Variants in ITFG1 observed in about 807,000 individuals in gnomAD.
ITFG1 encodes integrin alpha FG-GAP repeat containing 1.
A neutral mutation model predicts 81.8 loss-of-function variants in ITFG1; 34 were observed. The observed-to-expected ratio is 0.42, with a 90% CI of 0.32 to 0.55. The LOEUF (loss-of-function observed/expected upper bound fraction) is 0.55, where lower values mean the gene tolerates loss of function less well. Among genes scored for constraint, ITFG1 ranks in the 20% least tolerant of loss-of-function variants. The pLI is 0.17. For missense variants in ITFG1, 672 were observed against 755.4 expected (o/e 0.89, Z 1.29); for synonymous variants, 285 against 270.6 (o/e 1.05, Z -0.52).
At chr16:47,360,231 C>T (rs1968092165) in intron 8 of ITFG1, among the ~76,000 whole-genome samples, 1 of 152,158 alleles carries the variant, frequency 6.6e-6, no homozygotes, top group South Asian at 2.1e-4. Flanking sequence ...TAATGCAGCA[C>T]TTACATCTAA....
rs188771993 is a variant in ITFG1 at position 47,260,635 on chromosome 16, C to A, written c.1131G>T (p.Ala377=). The part of the protein sequence containing the change: ...VPCNNASCEE[A]RRMFKVYWEL... The stretch of plus-strand genomic sequence containing the variant: ...CCCAGTAGACTTTAAACATTCGACG[C>A]GCCTCTTCACAGCTTGCATTATTAC... Residue 377 remains alanine (A), a synonymous_variant, in exon 11 of 18, where the codon GCG becomes GCT. Coordinates refer to ENST00000320640, the MANE Select transcript of ITFG1 (RefSeq NM_030790.5). 6.2e-7 allele frequency: 1 copy of A among 1,614,108 alleles called. No homozygotes were observed.
chr16:47,333,325 C>A (rs1967660344), intron 8 of ITFG1, among the ~76,000 whole-genome samples: 1 of 152,164 alleles, frequency 6.6e-6, no homozygotes, highest in Admixed American at 6.6e-5. Context: ...GGAATTTTAA[C>A]TCAAGTCTGC....
At chr16:47,454,248 AAAAACTT>A (rs1216738932) in intron 2 of ITFG1, 90 bp from the exon 3 acceptor site, 1 of 1,105,290 alleles carries the variant, frequency 9.0e-7, no homozygotes, top group African/African-American at 1.6e-5. Context: ...ATTTTCAATG[AAAAACTT>A]AAAACTTAAC....
chr16:47,236,474 C>CA (rs68028486), intron 13 of ITFG1, among the ~76,000 whole-genome samples: 722 of 51,030 alleles, frequency 0.014, 5 homozygotes, highest in Middle Eastern at 0.031. Context: ...GACTCCATCT[C>CA]AAAAAAAAAA....
intron 10 of ITFG1, among the ~76,000 whole-genome samples, chr16:47,306,129 A>C (rs563258478): frequency 1.3e-4 from 20 of 152,210 alleles, no homozygotes; most frequent in Non-Finnish European, 1.9e-4. Flanking sequence ...ATAGGTATTA[A>C]TATTTAATAA....
intron 8 of ITFG1, among the ~76,000 whole-genome samples, chr16:47,315,597 T>C (rs1280209765): frequency 6.6e-6 from 1 of 152,068 alleles, no homozygotes; most frequent in African/African-American, 2.4e-5. Context: ...TGACAATGAA[T>C]TGGCTGGTAT....
At chr16:47,328,624 A>C (rs1421994122) in intron 8 of ITFG1, among the ~76,000 whole-genome samples, 1 of 152,154 alleles carries the variant, frequency 6.6e-6, no homozygotes, top group Non-Finnish European at 1.5e-5. Context: ...TAATTAGCTT[A>C]AACATTCTTA....
chr16:47,400,772 T>A (rs909663187), intron 6 of ITFG1, among the ~76,000 whole-genome samples: 1 of 152,000 alleles, frequency 6.6e-6, no homozygotes, highest in Non-Finnish European at 1.5e-5. Flanking sequence ...GGAAACAGCA[T>A]GTAAGCTCCA....
chr16:47,179,021 A>G (rs1219133946), intron 14 of ITFG1, among the ~76,000 whole-genome samples: 1 of 152,172 alleles, frequency 6.6e-6, no homozygotes, highest in Non-Finnish European at 1.5e-5. Context: ...TCAAAACCAC[A>G]ATGAGATACC....
Position 47,460,923 on chromosome 16 carries a change from G to C in ITFG1, c.123C>G (p.Leu41=), listed in dbSNP as rs1025156262. Residue 41 remains leucine (L), a synonymous_variant, in exon 1 of 18, where the codon CTC becomes CTG. Transcript: ENST00000320640. Reference sequence around the variant, plus strand: ...GGGTGCCCCAGGCCTCGGCCCCAAAGAGCTCGGCCGTGACGTTGTGCAGCG... The same window carrying C: ...GGGTGCCCCAGGCCTCGGCCCCAAACAGCTCGGCCGTGACGTTGTGCAGCG... ...ARALHNVTAE[L]FGAEAWGTLA... 6 of 1,612,934 alleles carry C rather than the reference G, an allele frequency of 3.7e-6. No homozygotes were observed. The highest frequency in any genetic ancestry group is 5.1e-6 in the Non-Finnish European group (6 of 1,179,836).
rs1378090873 is a variant in ITFG1, at chr16:47,175,141, A to T, written c.1454-12477T>A. 9.9e-5 allele frequency among the ~76,000 whole-genome samples: 15 copies of T among 152,204 alleles called. No homozygotes were observed. In the South Asian group the frequency reaches 3.1e-3, roughly 32 times the overall value. On this transcript the variant is annotated intron_variant, in intron 14 of 17. Coordinates refer to ENST00000320640, the MANE Select transcript of ITFG1 (RefSeq NM_030790.5). ...AAAGAGAATAAAGGATAAAAATTAG[A>T]ATATTTTCTGTAAGAAATAATAAAA... is the stretch of plus-strand genomic sequence containing the variant.
At chr16:47,233,081 T>G (rs1049668511) in intron 13 of ITFG1, among the ~76,000 whole-genome samples, 4 of 152,008 alleles carry the variant, frequency 2.6e-5, no homozygotes, top group Non-Finnish European at 5.9e-5. Flanking sequence ...AAAACAAACT[T>G]CAAATAAAGC....
chr16:47,203,478 G>A (rs938091146), intron 14 of ITFG1, among the ~76,000 whole-genome samples: 2 of 152,172 alleles, frequency 1.3e-5, no homozygotes, highest in African/African-American at 4.8e-5. Flanking sequence ...AGAATCAGTG[G>A]GAGCCCTGAG....
At chr16:47,246,915 C>T (rs1445730813) in intron 12 of ITFG1, among the ~76,000 whole-genome samples, 1 of 152,116 alleles carries the variant, frequency 6.6e-6, no homozygotes, top group Non-Finnish European at 1.5e-5. Flanking sequence ...GTGCCTCAGC[C>T]TCCCAAGTAG....
At chr16:47,313,524 T>C (rs1271623270) in intron 9 of ITFG1, among the ~76,000 whole-genome samples, 1 of 152,170 alleles carries the variant, frequency 6.6e-6, no homozygotes, top group Non-Finnish European at 1.5e-5. Flanking sequence ...TTTTCTTCAC[T>C]AGAAATAATT....
At chr16:47,325,290 C>T (rs1967517682) in intron 8 of ITFG1, among the ~76,000 whole-genome samples, 3 of 152,136 alleles carry the variant, frequency 2.0e-5, no homozygotes, top group Non-Finnish European at 4.4e-5. Flanking sequence ...AACAAAGACA[C>T]AACATACCAG....
Position 47,181,047 on chromosome 16 carries a change from A to AAGTC in ITFG1, c.1454-18387_1454-18384dup, listed in dbSNP as rs1965104951. 2.1e-5 allele frequency among the ~76,000 whole-genome samples: 3 copies of AAGTC among 144,682 alleles called. No homozygotes were observed. In the South Asian group the frequency reaches 6.7e-4, roughly 32 times the overall value. The allele number at this position is 144,682 out of a possible 152,430, so 94.9% of individuals were successfully genotyped here. On this transcript the variant is annotated intron_variant, in intron 14 of 17. Transcript: ENST00000320640. ...CTGCCCGGCCGCCATACCATCTAGGAAGTCACGAGCGCCTCTTCCAGGCTG... is the reference window on the plus strand; with the variant it reads ...CTGCCCGGCCGCCATACCATCTAGGAAGTCAGTCACGAGCGCCTCTTCCAGGCTG...
At chr16:47,432,754 C>A (rs928709945) in intron 5 of ITFG1, among the ~76,000 whole-genome samples, 2 of 152,152 alleles carry the variant, frequency 1.3e-5, no homozygotes, top group African/African-American at 4.8e-5. Context: ...GGTTAGAAAT[C>A]TTTAAAATAG....
chr16:47,328,480 TA>T lies in ITFG1; in HGVS notation c.803-14658del, dbSNP rs561245448. 4.2e-3 allele frequency among the ~76,000 whole-genome samples: 636 copies of T among 151,590 alleles called. 6 individuals carry two copies. Among genetic ancestry groups the T allele is most frequent in the African/African-American group, 0.015 (607 of 41,378 alleles). ...AAAACTTAAAGTATAATAATAATAA[TA>T]AAAAAAATCAAACCATATATAACTT... On this transcript the variant is annotated intron_variant, in intron 8 of 17. Coordinates refer to ENST00000320640, the MANE Select transcript of ITFG1 (RefSeq NM_030790.5).
Sources: allele counts gnomAD v4.1 joint callset (sites outside exome capture counted in the v4.1 genomes callset), GRCh38; gene constraint gnomAD v4.1.1; transcripts MANE v1.5; gene names NCBI Gene and HGNC (gene_info 2026-07-23, HGNC 2026-07-21).